Variants in EBF2 observed in about 807,000 individuals in gnomAD.
EBF2 encodes the protein transcription factor COE2.
In EBF2, 21 loss-of-function variants were observed where a neutral mutation model predicts 72.8. The observed-to-expected ratio is 0.29, with a 90% confidence interval of 0.20 to 0.42. The LOEUF (loss-of-function observed/expected upper bound fraction) is 0.42. Ranked by LOEUF, EBF2 falls within the 10% of genes least tolerant of loss-of-function variation. The pLI is 1.00. For missense variants in EBF2, 637 were observed against 731.2 expected (o/e 0.87, Z 1.49); for synonymous variants, 299 against 274.2 (o/e 1.09, Z -0.89).
In EBF2 at chr8:25,886,753, A is replaced by G; in HGVS notation, c.1009+2T>C. 6.2e-7 allele frequency: 1 copy of G among 1,608,238 alleles called. No homozygotes were observed. Among genetic ancestry groups the G allele is most frequent in the Non-Finnish European group, 8.5e-7 (1 of 1,177,064 alleles). On this transcript the variant is annotated splice_donor_variant, in intron 10 of 15. Transcript: ENST00000520164. LOFTEE classifies it high-confidence loss of function. ...CTCTCTTGGAATCGTTTTCTCACCTACCTGTGTAAATGAACCTTCCTGGGG... is the reference window on the plus strand; with the variant it reads ...CTCTCTTGGAATCGTTTTCTCACCTGCCTGTGTAAATGAACCTTCCTGGGG...
In EBF2 at chr8:26,044,762, ACATT is replaced by A; in HGVS notation, c.94_97del (p.Asn32SerfsTer29). ...GGCGACATTAGCGTCCACCACTCCG[ACATT>A]CCGGACCCAGGACCTGACCGAATCC... On this transcript the variant is annotated frameshift_variant, in exon 1 of 16. Coordinates refer to ENST00000520164, the MANE Select transcript of EBF2 (RefSeq NM_022659.4). LOFTEE classifies it high-confidence loss of function. The surrounding 1 kb of genome is among the most constrained non-coding windows in gnomAD (Gnocchi z 4.1). 1 of 1,614,144 alleles carries A rather than the reference ACATT, an allele frequency of 6.2e-7. No homozygotes were observed. Among genetic ancestry groups the A allele is most frequent in the African/African-American group, 1.3e-5 (1 of 75,038 alleles).
chr8:25,974,518 G>A (rs578204253), intron 6 of EBF2, among the ~76,000 whole-genome samples: 19 of 152,178 alleles, frequency 1.2e-4, no homozygotes, highest in Non-Finnish European at 2.4e-4. Flanking sequence ...TTAGTGCCTA[G>A]AGCCAGAAAA....
chr8:25,864,820 CAG>C (rs1325613512), intron 10 of EBF2, among the ~76,000 whole-genome samples: 41 of 142,486 alleles, frequency 2.9e-4, no homozygotes, highest in Non-Finnish European at 5.3e-4. Context: ...TTTTTTGAGA[CAG>C]AGTCTCACTC....
rs180945394 is a variant in EBF2 at position 25,891,041 on chromosome 8, G to C, written c.634-1172C>G. On this transcript the variant is annotated intron_variant, in intron 7 of 15. Coordinates refer to ENST00000520164, the MANE Select transcript of EBF2 (RefSeq NM_022659.4). ...GTTCTCCCATGGTCTAAGCTCGGGG[G>C]GAGGTCCTAGGAGGAGGCAGATAGG... 4.6e-5 allele frequency among the ~76,000 whole-genome samples: 7 copies of C among 152,336 alleles called. No individual in the cohort carries two copies. The East Asian group carries it at 1.3e-3, about 29-fold the overall frequency.
intron 6 of EBF2, among the ~76,000 whole-genome samples, chr8:25,922,040 A>G (rs1201174872): frequency 6.6e-6 from 1 of 152,218 alleles, no homozygotes; most frequent in Non-Finnish European, 1.5e-5. Flanking sequence ...GAAATCTCCC[A>G]TCTCATTTGG....
intron 6 of EBF2, among the ~76,000 whole-genome samples, chr8:25,930,178 G>T (rs28701570): frequency 6.6e-6 from 1 of 152,050 alleles, no homozygotes; most frequent in South Asian, 2.1e-4. Flanking sequence ...CCAGAATCAG[G>T]TATACTTCTT....
Position 25,865,435 on chromosome 8 carries a change from A to G in EBF2, c.1010-2638T>C, listed in dbSNP as rs73677232. Among the ~76,000 whole-genome samples the G allele has an allele frequency of 2.7e-3, 405 of 152,228 alleles. 3 individuals carry two copies. The highest frequency in any genetic ancestry group is 9.3e-3 in the African/African-American group (385 of 41,568). Reference sequence around the variant, plus strand: ...GCAGGAAGTCTATGGCATACAGATGAAGACAATCAGCTTTAGAGTTGAGTA... The same window carrying G: ...GCAGGAAGTCTATGGCATACAGATGGAGACAATCAGCTTTAGAGTTGAGTA... On this transcript the variant is annotated intron_variant, in intron 10 of 15. Coordinates refer to ENST00000520164, the MANE Select transcript of EBF2 (RefSeq NM_022659.4).
At chr8:25,856,147 CT>C (rs1285176799) in intron 14 of EBF2, among the ~76,000 whole-genome samples, 4 of 152,076 alleles carry the variant, frequency 2.6e-5, no homozygotes, top group Admixed American at 6.6e-5. Flanking sequence ...TTTCATTCAT[CT>C]TTTTTTCCTC....
chr8:25,983,393 G>A (rs560018827), intron 6 of EBF2, among the ~76,000 whole-genome samples: 59 of 152,306 alleles, frequency 3.9e-4, no homozygotes, highest in African/African-American at 1.4e-3. Flanking sequence ...AAGTTACAGC[G>A]ACTTTTTTCT....
At chr8:26,001,054 G>A (rs1804715425) in intron 6 of EBF2, among the ~76,000 whole-genome samples, 1 of 152,188 alleles carries the variant, frequency 6.6e-6, no homozygotes, top group Non-Finnish European at 1.5e-5. Context: ...TCCTAGCATG[G>A]GAAGCAATCT....
chr8:25,873,780 C>T (rs1221144109), intron 10 of EBF2, among the ~76,000 whole-genome samples: 1 of 152,150 alleles, frequency 6.6e-6, no homozygotes, highest in Non-Finnish European at 1.5e-5. Context: ...AGATAAATTT[C>T]AAGGGTAAAT....
chr8:25,885,543 C>T lies in EBF2; in HGVS notation c.1009+1212G>A, dbSNP rs538898060. 5.0e-4 allele frequency among the ~76,000 whole-genome samples: 76 copies of T among 152,302 alleles called. 1 individual carries two copies. Among genetic ancestry groups the T allele is most frequent in the Middle Eastern group, 3.4e-3 (1 of 294 alleles). On this transcript the variant is annotated intron_variant, in intron 10 of 15. Transcript: ENST00000520164. ...CTGATATGGTTTGGCTGTGTCCCCA[C>T]CCAAATCTCATCTTGAATTGTAGCT...
chr8:26,042,075 G>C lies in EBF2; in HGVS notation c.288+20C>G. 1 of 1,611,710 alleles carries C rather than the reference G, an allele frequency of 6.2e-7. No individual in the cohort carries two copies. The highest frequency in any genetic ancestry group is 1.1e-5 in the South Asian group (1 of 90,854). ...AGGGAGTTATTAGGCCGCGGGGTTT[G>C]GGGGGTACTTTCCGCTTACTTTGTC... On this transcript the variant is annotated intron_variant, in intron 2 of 15. Coordinates refer to ENST00000520164, the MANE Select transcript of EBF2 (RefSeq NM_022659.4).
intron 6 of EBF2, among the ~76,000 whole-genome samples, chr8:25,966,836 G>C (rs142393511): frequency 0.01 from 1,557 of 152,294 alleles, 13 homozygotes; most frequent in Non-Finnish European, 0.017. Context: ...AAATTCTCCA[G>C]ACTAAGGTAA....
chr8:25,947,742 T>C (rs1456840370), intron 6 of EBF2, among the ~76,000 whole-genome samples: 2 of 152,238 alleles, frequency 1.3e-5, no homozygotes, highest in African/African-American at 2.4e-5. Context: ...CCCCCTGGGC[T>C]GCTGTTCCTT....
intron 15 of EBF2, among the ~76,000 whole-genome samples, chr8:25,845,699 A>G (rs1332876130): frequency 6.6e-6 from 1 of 152,200 alleles, no homozygotes; most frequent in East Asian, 1.9e-4. Context: ...CCACAGCAAA[A>G]TGTATTCCTC....
intron 6 of EBF2, among the ~76,000 whole-genome samples, chr8:25,910,965 T>G (rs997762822): frequency 6.6e-6 from 1 of 152,182 alleles, no homozygotes; most frequent in Non-Finnish European, 1.5e-5. Flanking sequence ...TAAAAATTAA[T>G]TAAAAGAAAT....
intron 5 of EBF2, among the ~76,000 whole-genome samples, chr8:26,039,070 A>G (rs1585237483): frequency 6.6e-6 from 1 of 152,202 alleles, no homozygotes; most frequent in Non-Finnish European, 1.5e-5. Flanking sequence ...AATTTTCATA[A>G]TAAAATAGCC....
At chr8:26,023,376 C>A (rs532623551) in intron 6 of EBF2, among the ~76,000 whole-genome samples, 1 of 152,320 alleles carries the variant, frequency 6.6e-6, no homozygotes, top group African/African-American at 2.4e-5. Context: ...CACTTCCTAG[C>A]AAATCTGCTA....
Sources: allele counts gnomAD v4.1 joint callset (sites outside exome capture counted in the v4.1 genomes callset), GRCh38; gene constraint gnomAD v4.1.1; non-coding constraint Gnocchi (gnomAD v3.1); transcripts MANE v1.5; gene names NCBI Gene and HGNC (gene_info 2026-07-23, HGNC 2026-07-21).